Variants in ENGASE observed in about 807,000 individuals in gnomAD.
The protein encoded by ENGASE is cytosolic endo-beta-N-acetylglucosaminidase.
A neutral mutation model predicts 78.5 loss-of-function variants in ENGASE; 69 were observed. The observed-to-expected ratio is 0.88, with a 90% CI of 0.72 to 1.07. The LOEUF is 1.07. Among genes scored for constraint, ENGASE ranks in the 50% least tolerant of loss-of-function variants. ENGASE has a pLI of 0.00. For synonymous variants in ENGASE, 408 were observed against 408.9 expected, an observed-to-expected ratio of 1.00 and a Z score of 0.03; for missense variants, 943 against 988.4, an observed-to-expected ratio of 0.95 and a Z score of 0.62.
In ENGASE at chr17:79,083,110, C is replaced by T; in HGVS notation, c.1129C>T (p.Gln377Ter). ...GTGTCTGGAGAAGAAGGATTTCTTCCAGAACCAGGACAAGTGAGTCCTGCT... is the reference window on the plus strand; with the variant it reads ...GTGTCTGGAGAAGAAGGATTTCTTCTAGAACCAGGACAAGTGAGTCCTGCT... ...YECLEKKDFF[Q>*]NQDKFWGRLE... The change falls in exon 8 of 14, where the codon CAG becomes TAG. Residue 377 changes from glutamine to a stop codon, truncating the protein, a stop_gained. Transcript: ENST00000579016. LOFTEE classifies it high-confidence loss of function. The surrounding 1 kb of genome is among the most constrained non-coding windows in gnomAD (Gnocchi z 4.9). 2 of 1,613,044 alleles carry T rather than the reference C, an allele frequency of 1.2e-6. No individual in the cohort carries two copies. The highest frequency in any genetic ancestry group is 1.1e-5 in the South Asian group (1 of 90,996).
At chr17:79,082,345 G>A in intron 7 of ENGASE, 1 of 1,321,882 alleles carries the variant, frequency 7.6e-7, no homozygotes, top group Non-Finnish European at 9.8e-7. Flanking sequence ...GTCCTCGGCG[G>A]GCCTGGGCCT....
At chr17:79,085,482 G>A in intron 12 of ENGASE, 138 bp from the exon 13 acceptor site, 1 of 1,364,928 alleles carries the variant, frequency 7.3e-7, no homozygotes, top group Non-Finnish European at 1.0e-6. Context: ...GACAGCTGCT[G>A]GGAGCCCTGC....
In ENGASE at chr17:79,086,499, T is replaced by C. The variant is rs2073317159; in HGVS notation, c.*150T>C. The C allele has an allele frequency of 2.2e-6, 2 of 924,956 alleles. No homozygotes were observed. Among genetic ancestry groups the C allele is most frequent in the South Asian group, 3.6e-5 (2 of 55,634 alleles). 57.3% of individuals were successfully genotyped at this position (924,956 alleles called of 1,614,324 possible). On this transcript the variant is annotated 3_prime_UTR_variant, in exon 14 of 14. Coordinates refer to ENST00000579016, the MANE Select transcript of ENGASE (RefSeq NM_001042573.3). ...GGGTGGGAGACCCCGGGCTGAGTGC[T>C]GTGGCTTTCTGGTGGGGGGCGATGG...
Position 79,080,243 on chromosome 17 carries a change from T to C in ENGASE, c.602T>C (p.Leu201Pro). The C allele has an allele frequency of 3.7e-6, 6 of 1,612,364 alleles. No individual in the cohort carries two copies. Among genetic ancestry groups the C allele is most frequent in the Non-Finnish European group, 4.2e-6 (5 of 1,178,958 alleles). ...ACGGAGTGGAATGAAGGGGGAAGGC[T>C]CTGTGAAGCCTTCCTGGCCGGGGAT... The part of the protein sequence containing the change: ...FITEWNEGGR[L>P]CEAFLAGDER... The change falls in exon 5 of 14, where the codon CTC (leucine) becomes CCC (proline). Residue 201 changes from leucine (L) to proline (P), a missense_variant. Transcript: ENST00000579016.
In ENGASE at chr17:79,086,080, C is replaced by G; in HGVS notation, c.1963C>G (p.Leu655Val). The G allele has an allele frequency of 1.2e-6, 2 of 1,613,582 alleles. No homozygotes were observed. Among genetic ancestry groups the G allele is most frequent in the Non-Finnish European group, 1.7e-6 (2 of 1,180,038 alleles). ...CTGCACCCTGCACTGGTCCTTCCTC[C>G]TCTCACAAGTCCGTTGCTTCCGAAT... Reference protein sequence around the residue: ...LSCTLHWSFLLSQVRCFRIHC... With the variant: ...LSCTLHWSFLVSQVRCFRIHC... The change falls in exon 14 of 14, where the codon CTC (leucine) becomes GTC (valine). Residue 655 changes from leucine to valine, a missense_variant. Leu to Val is a conservative substitution (Grantham distance 32, BLOSUM62 1). Coordinates refer to ENST00000579016, the MANE Select transcript of ENGASE (RefSeq NM_001042573.3).
chr17:79,077,864 G>T lies in ENGASE; in HGVS notation c.416G>T (p.Arg139Met). The change falls in exon 3 of 14, where the codon AGG becomes ATG. Residue 139 changes from arginine to methionine, a missense_variant and splice_region_variant. Coordinates refer to ENST00000579016, the MANE Select transcript of ENGASE (RefSeq NM_001042573.3). ...ATGATGGGCGGGTACCTGGATGACA[G>T]GTGAGGACCTGGCCTTACATTGATG... is the stretch of plus-strand genomic sequence containing the variant. ...HDMMGGYLDD[R>M]FIQGSVVQTP... 6.2e-7 allele frequency: 1 copy of T among 1,612,268 alleles called. No homozygotes were observed. The highest frequency in any genetic ancestry group is 1.3e-5 in the African/African-American group (1 of 75,012).
chr17:79,075,736 G>A (rs972073287), intron 1 of ENGASE: 8 of 985,346 alleles, frequency 8.1e-6, no homozygotes, highest in Middle Eastern at 5.2e-4. Flanking sequence ...AACAGCAGCC[G>A]TAGCTTTGTT....
intron 6 of ENGASE, among the ~76,000 whole-genome samples, chr17:79,081,590 C>A (rs772513771): frequency 3.0e-4 from 46 of 152,108 alleles, no homozygotes; most frequent in Non-Finnish European, 5.6e-4. Flanking sequence ...GGGCTGCTCG[C>A]TGCCCCTGGG....
Position 79,079,517 on chromosome 17 carries a change from C to T in ENGASE, c.445C>T (p.Pro149Ser). The T allele has an allele frequency of 6.2e-7, 1 of 1,613,928 alleles. No homozygotes were observed. The highest frequency in any genetic ancestry group is 8.5e-7 in the Non-Finnish European group (1 of 1,179,978). The change falls in exon 4 of 14, where the codon CCC becomes TCC. Residue 149 changes from proline (P) to serine (S), a missense_variant. Transcript: ENST00000579016. ...RFIQGSVVQTPYAFYHWQCID... is the reference protein window; with the variant it reads ...RFIQGSVVQTSYAFYHWQCID... Reference sequence around the variant, plus strand: ...CATTCAGGGCTCGGTGGTGCAGACTCCCTATGCTTTCTACCACTGGCAGTG... The same window carrying T: ...CATTCAGGGCTCGGTGGTGCAGACTTCCTATGCTTTCTACCACTGGCAGTG...
chr17:79,084,788 AG>A (rs2073244429), intron 11 of ENGASE, 102 bp downstream of exon 11: 5 of 1,313,296 alleles, frequency 3.8e-6, no homozygotes. Flanking sequence ...TGGTGTGGAC[AG>A]TGGGGGGGTA....
At position 79,085,626 on chromosome 17, in the gene ENGASE, C is replaced by A. The variant is rs371918032; in HGVS notation, c.1707C>A (p.Tyr569Ter). ...QLSGGWVQHC[Y>*]EVSLRGCLLL... ...CAGCCCTTTCGCCCCGTAGCTGCTACGAGGTGAGCCTGCGTGGGTGCCTGC... is the reference window on the plus strand; with the variant it reads ...CAGCCCTTTCGCCCCGTAGCTGCTAAGAGGTGAGCCTGCGTGGGTGCCTGC... Residue 569 changes from tyrosine (Y) to a stop codon, truncating the protein, a stop_gained, in exon 13 of 14, where the codon TAC becomes TAA. Transcript: ENST00000579016. LOFTEE classifies it high-confidence loss of function. 6.2e-7 allele frequency: 1 copy of A among 1,613,620 alleles called. No homozygotes were observed. Among genetic ancestry groups the A allele is most frequent in the Admixed American group, 1.7e-5 (1 of 60,002 alleles).
rs761156358 is a variant in ENGASE at position 79,083,928 on chromosome 17, G to A, written c.1419G>A (p.Pro473=). The change falls in exon 10 of 14, where the codon CCG becomes CCA. Residue 473 remains proline, a synonymous_variant. Coordinates refer to ENST00000579016, the MANE Select transcript of ENGASE (RefSeq NM_001042573.3). This position sits in a 1 kb window ranked among gnomAD's most constrained non-coding sequence, Gnocchi z 4.9. ...TGCTCGTCCGGGGTGTGATCCCACCGGAGGTTGGAAATGTGGCTGTGAGGT... is the reference window on the plus strand; with the variant it reads ...TGCTCGTCCGGGGTGTGATCCCACCAGAGGTTGGAAATGTGGCTGTGAGGT... ...SSLLVRGVIP[P]EVGNVAVRLF... The A allele has an allele frequency of 3.0e-5, 49 of 1,610,428 alleles. No individual in the cohort carries two copies. The highest frequency in any genetic ancestry group is 2.9e-4 in the Admixed American group (17 of 59,634).
Position 79,082,051 on chromosome 17 carries a change from C to G in ENGASE, c.1026C>G (p.Phe342Leu). The change falls in exon 7 of 14, where the codon TTC becomes TTG. Residue 342 changes from phenylalanine (F) to leucine (L), a missense_variant. Transcript: ENST00000579016. ...FARGNVVGGR[F>L]DTDKSLELIR... Reference sequence around the variant, plus strand: ...GAGGGAACGTGGTCGGAGGCCGATTCGACACAGACAAGGTGGGTGGTGGCT... The same window carrying G: ...GAGGGAACGTGGTCGGAGGCCGATTGGACACAGACAAGGTGGGTGGTGGCT... 6.2e-7 allele frequency: 1 copy of G among 1,614,194 alleles called. No individual in the cohort carries two copies. Among genetic ancestry groups the G allele is most frequent in the Non-Finnish European group, 8.5e-7 (1 of 1,180,026 alleles).
In ENGASE at chr17:79,084,553, G is replaced by T. The variant is rs766655657; in HGVS notation, c.1458G>T (p.Gln486His). ...TTTTCCCCAGGTTATTTTCCCTGCA[G>T]GCCCCAGTGCCACCCAAGATTTACC... is the stretch of plus-strand genomic sequence containing the variant. ...GNVAVRLFSL[Q>H]APVPPKIYLS... Residue 486 changes from glutamine to histidine, a missense_variant, in exon 11 of 14, where the codon CAG (glutamine) becomes CAT (histidine). Coordinates refer to ENST00000579016, the MANE Select transcript of ENGASE (RefSeq NM_001042573.3). The T allele has an allele frequency of 1.3e-6, 2 of 1,577,636 alleles. No individual in the cohort carries two copies. The highest frequency in any genetic ancestry group is 2.3e-5 in the South Asian group (2 of 85,406).
In ENGASE at chr17:79,083,398, G is replaced by A. The variant is rs1271506702; in HGVS notation, c.1143-84G>A. 9.4e-7 allele frequency: 1 copy of A among 1,065,214 alleles called. No individual in the cohort carries two copies. Among genetic ancestry groups the A allele is most frequent in the South Asian group, 1.5e-5 (1 of 68,964 alleles). The allele number at this position is 1,065,214 out of a possible 1,614,324, so 66.0% of individuals were successfully genotyped here. On this transcript the variant is annotated intron_variant, in intron 8 of 13. Coordinates refer to ENST00000579016, the MANE Select transcript of ENGASE (RefSeq NM_001042573.3). The surrounding 1 kb of genome is among the most constrained non-coding windows in gnomAD (Gnocchi z 4.9). ...GTCTTGGAGGGTGCAGGAGAGCCTCGAGTTTCCACCAGCAAGTTTGAGGGA... is the reference window on the plus strand; with the variant it reads ...GTCTTGGAGGGTGCAGGAGAGCCTCAAGTTTCCACCAGCAAGTTTGAGGGA...
chr17:79,077,314 A>G, intron 1 of ENGASE, 116 bp from the exon 2 acceptor site: 1 of 902,096 alleles, frequency 1.1e-6, no homozygotes, highest in Non-Finnish European at 1.6e-6. Context: ...TTAATATTAA[A>G]CAACATAAGG....
chr17:79,085,011 G>T (rs1438086188), intron 11 of ENGASE, among the ~76,000 whole-genome samples: 1 of 152,144 alleles, frequency 6.6e-6, no homozygotes, highest in African/African-American at 2.4e-5. Flanking sequence ...GGGGGAGACG[G>T]CAGGCTGGAG....
chr17:79,086,193 C>T lies in ENGASE; in HGVS notation c.2076C>T (p.Ala692=). The part of the protein sequence containing the change: ...EMPMFLGLAF[A]TQYRIVDLLV... ...CCATGTTCCTGGGGTTGGCTTTTGC[C>T]ACCCAGTACCGGATAGTGGACCTGC... The change falls in exon 14 of 14, where the codon GCC becomes GCT. Residue 692 remains alanine, a synonymous_variant. Coordinates refer to ENST00000579016, the MANE Select transcript of ENGASE (RefSeq NM_001042573.3). 6.2e-7 allele frequency: 1 copy of T among 1,613,658 alleles called. No individual in the cohort carries two copies. The highest frequency in any genetic ancestry group is 8.5e-7 in the Non-Finnish European group (1 of 1,180,036).
intron 11 of ENGASE, among the ~76,000 whole-genome samples, chr17:79,084,895 G>A (rs1348186165): frequency 6.6e-6 from 1 of 152,130 alleles, no homozygotes; most frequent in Non-Finnish European, 1.5e-5. Flanking sequence ...TGTCCTCGTC[G>A]GGCAGCTGAG....
Sources: allele counts gnomAD v4.1 joint callset (sites outside exome capture counted in the v4.1 genomes callset), GRCh38; gene constraint gnomAD v4.1.1; non-coding constraint Gnocchi (gnomAD v3.1); transcripts MANE v1.5; gene names NCBI Gene and HGNC (gene_info 2026-07-23, HGNC 2026-07-21).